Variants in PC observed in about 807,000 individuals in gnomAD.
PC encodes pyruvate carboxylase.
A neutral mutation model predicts 107.8 loss-of-function variants in PC; 46 were observed. The ratio of observed to expected loss-of-function variants is 0.43; its 90% CI spans 0.34 to 0.55. PC has a LOEUF of 0.55. Among genes scored for constraint, PC ranks in the 20% least tolerant of loss-of-function variants. The pLI is 0.04. For synonymous variants in PC, 662 were observed against 684.7 expected (o/e 0.97, Z 0.52); for missense variants, 1,241 against 1,643.1 (o/e 0.76, Z 4.23).
intron 3 of PC, among the ~76,000 whole-genome samples, chr11:66,939,242 A>G (rs569257425): frequency 6.6e-6 from 1 of 152,384 alleles, no homozygotes; most frequent in South Asian, 2.1e-4. Context: ...AACTATTTAC[A>G]TGGCATTTAC....
chr11:66,884,000 T>C (rs1056126660), intron 3 of PC, among the ~76,000 whole-genome samples: 1 of 152,074 alleles, frequency 6.6e-6, no homozygotes, highest in African/African-American at 2.4e-5. Context: ...ATCCCAGCAC[T>C]TTGGGAGGCT....
intron 3 of PC, among the ~76,000 whole-genome samples, chr11:66,880,093 C>T (rs1947131569): frequency 6.6e-6 from 1 of 152,206 alleles, no homozygotes; most frequent in Non-Finnish European, 1.5e-5. Flanking sequence ...AACACCACTG[C>T]ATTCCCAGGG....
chr11:66,884,790 G>A (rs1042635387), intron 3 of PC, among the ~76,000 whole-genome samples: 21 of 152,224 alleles, frequency 1.4e-4, no homozygotes, highest in African/African-American at 4.1e-4. Flanking sequence ...ACGCAGCCTG[G>A]CAATGGGAAC....
At chr11:66,951,915 T>C (rs932485578) in intron 3 of PC, among the ~76,000 whole-genome samples, 1 of 151,760 alleles carries the variant, frequency 6.6e-6, no homozygotes, top group Admixed American at 6.6e-5. Flanking sequence ...AAAAAAAACT[T>C]AGCCAGGTGT....
chr11:66,931,617 A>C (rs1948855936), intron 3 of PC, among the ~76,000 whole-genome samples: 2 of 152,234 alleles, frequency 1.3e-5, no homozygotes, highest in South Asian at 4.1e-4. Flanking sequence ...TGGCACACAG[A>C]GTACTGCAGA....
chr11:66,874,651 G>A (rs1228610187), intron 3 of PC, among the ~76,000 whole-genome samples: 1 of 152,164 alleles, frequency 6.6e-6, no homozygotes, highest in Non-Finnish European at 1.5e-5. Context: ...CCCACTAGGG[G>A]CAGACCTTAT....
chr11:66,947,543 A>G (rs1949328208), intron 3 of PC, among the ~76,000 whole-genome samples: 1 of 149,622 alleles, frequency 6.7e-6, no homozygotes. Context: ...CCTGTGCGAC[A>G]GAGCAAGACT....
chr11:66,902,624 A>G (rs1325261280), intron 3 of PC, among the ~76,000 whole-genome samples: 1 of 151,416 alleles, frequency 6.6e-6, no homozygotes, highest in Non-Finnish European at 1.5e-5. Flanking sequence ...GTAGTTACCA[A>G]TCTCTCCTCC....
At chr11:66,867,552 C>T (rs1946546107) in intron 10 of PC, among the ~76,000 whole-genome samples, 1 of 151,996 alleles carries the variant, frequency 6.6e-6, no homozygotes, top group Non-Finnish European at 1.5e-5. Flanking sequence ...TGCACTCCTC[C>T]CATGCTTCAT....
intron 3 of PC, among the ~76,000 whole-genome samples, chr11:66,888,434 C>T (rs1947451363): frequency 6.6e-6 from 1 of 152,172 alleles, no homozygotes; most frequent in African/African-American, 2.4e-5. Flanking sequence ...ACGAACAAAA[C>T]AAAGGACTAA....
At chr11:66,864,829 C>T (rs191966300) in intron 11 of PC, among the ~76,000 whole-genome samples, 10 of 152,258 alleles carry the variant, frequency 6.6e-5, no homozygotes, top group African/African-American at 2.2e-4. Flanking sequence ...AAGGGCTCCC[C>T]GGAGGTGGGG....
intron 3 of PC, among the ~76,000 whole-genome samples, chr11:66,930,208 T>C (rs958348332): frequency 2.7e-5 from 4 of 150,180 alleles, no homozygotes; most frequent in Non-Finnish European, 5.9e-5. Flanking sequence ...AACAAAAAAC[T>C]CCCCCCAAGA....
chr11:66,858,962 G>A lies in PC; in HGVS notation c.1368+4812C>T, dbSNP rs1402141497. 2 of 1,576,108 alleles carry A rather than the reference G, an allele frequency of 1.3e-6. No individual in the cohort carries two copies. Among genetic ancestry groups the A allele is most frequent in the Admixed American group, 3.5e-5 (2 of 56,710 alleles). On this transcript the variant is annotated intron_variant, in intron 12 of 22. Transcript: ENST00000393960. This position sits in a 1 kb window ranked among gnomAD's most constrained non-coding sequence, Gnocchi z 5.9. ...AGGGTGAGGGGACGCTGGAGTCTGA[G>A]CCAGCCGTGCAGGTGACGGAGGTGA...
At chr11:66,943,015 T>C (rs1274995529) in intron 3 of PC, among the ~76,000 whole-genome samples, 1 of 132,160 alleles carries the variant, frequency 7.6e-6, no homozygotes, top group Non-Finnish European at 1.7e-5. Context: ...AAACTCCATC[T>C]CAAAAAAAAA....
chr11:66,850,122 GAGA>G lies in PC; in HGVS notation c.2719-9_2719-7del, dbSNP rs1945386269. 3 of 1,613,604 alleles carry G rather than the reference GAGA, an allele frequency of 1.9e-6. No homozygotes were observed. Among genetic ancestry groups the G allele is most frequent in the South Asian group, 2.2e-5 (2 of 91,044 alleles). ...ATCTTGGAGGAGGGCGTCACCTGAG[GAGA>G]AGGCCCTGGAGGTTAGGGTGCCAGG... is the stretch of plus-strand genomic sequence containing the variant. On this transcript the variant is annotated splice_polypyrimidine_tract_variant and splice_region_variant and intron_variant, in intron 19 of 22. Transcript: ENST00000393960.
intron 12 of PC, chr11:66,859,982 C>G (rs535868290): frequency 6.2e-7 from 1 of 1,600,798 alleles, no homozygotes; most frequent in South Asian, 1.1e-5. Flanking sequence ...GAGGCCCCAG[C>G]CCCACACCCA....
chr11:66,885,003 C>G (rs781040349), intron 3 of PC, among the ~76,000 whole-genome samples: 1 of 152,202 alleles, frequency 6.6e-6, no homozygotes, highest in Non-Finnish European at 1.5e-5. Flanking sequence ...GCTCCCCACT[C>G]AATTCCCCTC....
chr11:66,912,257 G>A (rs1948356062), intron 3 of PC, among the ~76,000 whole-genome samples: 1 of 152,170 alleles, frequency 6.6e-6, no homozygotes, highest in Non-Finnish European at 1.5e-5. Flanking sequence ...GGGTGCAAAT[G>A]TCAACACACT....
At chr11:66,851,996 C>T (rs773345284) in intron 15 of PC, 50 bp from the exon 16 acceptor site, 1 of 1,592,462 alleles carries the variant, frequency 6.3e-7, no homozygotes, top group South Asian at 1.1e-5. Flanking sequence ...CTGGGGAACT[C>T]CACCAGGCCT....
Sources: allele counts gnomAD v4.1 joint callset (sites outside exome capture counted in the v4.1 genomes callset), GRCh38; gene constraint gnomAD v4.1.1; non-coding constraint Gnocchi (gnomAD v3.1); transcripts MANE v1.5; gene names NCBI Gene and HGNC (gene_info 2026-07-23, HGNC 2026-07-21).